MYBPC3: variants seen among roughly 807,000 people sequenced by gnomAD.
MYBPC3 encodes myosin-binding protein C, cardiac-type.
In MYBPC3, 108 loss-of-function variants were observed where a neutral mutation model predicts 159.3. The ratio of observed to expected loss-of-function variants is 0.68; its 90% CI spans 0.58 to 0.80. The LOEUF is 0.80. MYBPC3 is among the 30% of genes least tolerant of loss of function. The pLI is 0.00. For missense variants in MYBPC3, 1,631 were observed against 1,762.1 expected, an observed-to-expected ratio of 0.93 and a Z score of 1.33; for synonymous variants, 730 against 702.0, an observed-to-expected ratio of 1.04 and a Z score of -0.63.
intron 12 of MYBPC3, among the ~76,000 whole-genome samples, chr11:47,345,041 C>T (rs188119957): frequency 4.3e-4 from 65 of 152,336 alleles, no homozygotes; most frequent in East Asian, 1.2e-3. Context: ...CCACCTGCCT[C>T]GGCCTCCCAA....
chr11:47,352,626 G>T lies in MYBPC3; in HGVS notation c.22C>A (p.Pro8Thr), dbSNP rs2095901975. MPEPGKKPVSAFSKKPRS... is the reference protein window; with the variant it reads MPEPGKKTVSAFSKKPRS... ...CCAACCCCAGTCCTAAAGCTACCTGGCTTCTTCCCCGGCTCAGGCATCCTG... is the reference window on the plus strand; with the variant it reads ...CCAACCCCAGTCCTAAAGCTACCTGTCTTCTTCCCCGGCTCAGGCATCCTG... The change falls in exon 1 of 35, where the codon CCA becomes ACA. Residue 8 changes from proline to threonine, a missense_variant. By Grantham distance (38) the Pro-to-Thr change is conservative. Transcript: ENST00000545968. The T allele has an allele frequency of 6.3e-7, 1 of 1,597,940 alleles. No homozygotes were observed. Among genetic ancestry groups the T allele is most frequent in the Non-Finnish European group, 8.5e-7 (1 of 1,172,544 alleles).
At chr11:47,341,869 GTC>G in intron 18 of MYBPC3, 120 bp downstream of exon 18, 1 of 1,327,876 alleles carries the variant, frequency 7.5e-7, no homozygotes, top group Non-Finnish European at 1.0e-6. Context: ...TCTCTGTCCT[GTC>G]TCTGTGCATC....
intron 27 of MYBPC3, among the ~76,000 whole-genome samples, 152 bp from the exon 28 acceptor site, chr11:47,334,162 C>T (rs575215673): frequency 1.3e-5 from 2 of 152,368 alleles, no homozygotes; most frequent in Admixed American, 6.5e-5. Flanking sequence ...CCTGCTAACA[C>T]AGCAACTCCA....
chr11:47,339,708 G>T lies in MYBPC3; in HGVS notation c.2010C>A (p.Asp670Glu). 1 of 1,613,810 alleles carries T rather than the reference G, an allele frequency of 6.2e-7. No individual in the cohort carries two copies. Among genetic ancestry groups the T allele is most frequent in the Non-Finnish European group, 8.5e-7 (1 of 1,179,760 alleles). ...GAGCAGGGTCCCCAGAGATAGGGAC[G>T]TCCAGACGTAGCTTATTTCCAGCTA... is the stretch of plus-strand genomic sequence containing the variant. Reference protein sequence around the residue: ...VVVAGNKLRLDVPISGDPAPT... With the variant: ...VVVAGNKLRLEVPISGDPAPT... The change falls in exon 21 of 35, where the codon GAC becomes GAA. Residue 670 changes from aspartate (D) to glutamate (E), a missense_variant. Physicochemically the swap from Asp to Glu is conservative, Grantham distance 45. Coordinates refer to ENST00000545968, the MANE Select transcript of MYBPC3 (RefSeq NM_000256.3).
Position 47,347,199 on chromosome 11 carries a change from A to C in MYBPC3, c.906-170T>G, listed in dbSNP as rs1204663541. On this transcript the variant is annotated intron_variant, in intron 9 of 34. Coordinates refer to ENST00000545968, the MANE Select transcript of MYBPC3 (RefSeq NM_000256.3). The stretch of plus-strand genomic sequence containing the variant: ...TACGGAGGGAGCTTTTGCAGCCTCA[A>C]GTGTGGAGTGGCCGTGGGGGACACT... The C allele has an allele frequency of 3.0e-6, 3 of 985,118 alleles. No individual in the cohort carries two copies. The African/African-American group carries it at 5.2e-5, about 17-fold the overall frequency. 61.0% of individuals were successfully genotyped at this position (985,118 alleles called of 1,614,324 possible).
At position 47,343,408 on chromosome 11, in the gene MYBPC3, G is replaced by A. The variant is rs375822600; in HGVS notation, c.1223+84C>T. ...GGGCTGAGAGCCACACCGAGTCAGAGATACGCATGTGGAGAGGGGCAGGAG... is the reference window on the plus strand; with the variant it reads ...GGGCTGAGAGCCACACCGAGTCAGAAATACGCATGTGGAGAGGGGCAGGAG... On this transcript the variant is annotated intron_variant, in intron 13 of 34. Coordinates refer to ENST00000545968, the MANE Select transcript of MYBPC3 (RefSeq NM_000256.3). 8.7e-6 allele frequency: 13 copies of A among 1,502,488 alleles called. No homozygotes were observed. In the East Asian group the frequency reaches 2.7e-4, roughly 31 times the overall value. The allele number at this position is 1,502,488 out of a possible 1,614,324, so 93.1% of individuals were successfully genotyped here.
Position 47,342,867 on chromosome 11 carries a change from C to T in MYBPC3, c.1420G>A (p.Glu474Lys). ...LVMVGQRVEF[E>K]CEVSEEGAQV... ...GCCCCCTCCTCCGATACTTCACACT[C>T]AAACTCCACCCGCTGCCCCACCATC... The change falls in exon 16 of 35, where the codon GAG (glutamate) becomes AAG (lysine). Residue 474 changes from glutamate (E) to lysine (K), a missense_variant. Glu to Lys is a moderately conservative substitution (Grantham distance 56). Transcript: ENST00000545968. The T allele has an allele frequency of 6.2e-7, 1 of 1,613,354 alleles. No homozygotes were observed. Among genetic ancestry groups the T allele is most frequent in the Non-Finnish European group, 8.5e-7 (1 of 1,179,592 alleles).
At chr11:47,337,646 C>A (rs778631894) in intron 24 of MYBPC3, 44 bp downstream of exon 24, 4 of 1,607,688 alleles carry the variant, frequency 2.5e-6, no homozygotes, top group Non-Finnish European at 3.4e-6. Flanking sequence ...TCCCTCGGAT[C>A]TGTTTGGCGC....
In MYBPC3 at chr11:47,346,402, G is replaced by C. The variant is rs1446974426; in HGVS notation, c.927-32C>G. On this transcript the variant is annotated intron_variant, in intron 11 of 34. Coordinates refer to ENST00000545968, the MANE Select transcript of MYBPC3 (RefSeq NM_000256.3). This position sits in a 1 kb window ranked among gnomAD's most constrained non-coding sequence, Gnocchi z 5.3. ...CCCGCAGTCTAGGCTGTGGCCGGGG[G>C]CAAGACTGCAGCCCCCTGGGCGGGG... The C allele has an allele frequency of 5.2e-6, 8 of 1,526,122 alleles. No individual in the cohort carries two copies. Among genetic ancestry groups the C allele is most frequent in the Non-Finnish European group, 7.1e-6 (8 of 1,131,514 alleles). 94.5% of individuals were successfully genotyped at this position (1,526,122 alleles called of 1,614,324 possible).
At chr11:47,342,489 G>A in intron 17 of MYBPC3, 89 bp downstream of exon 17, 2 of 1,416,124 alleles carry the variant, frequency 1.4e-6, no homozygotes, top group South Asian at 3.0e-5. Flanking sequence ...CTTGAGCCCA[G>A]GTTTGCCTGC....
rs587776699 is a variant in MYBPC3 at position 47,343,281 on chromosome 11, C to T, written c.1224-19G>A. On this transcript the variant is annotated intron_variant, in intron 13 of 34. Coordinates refer to ENST00000545968, the MANE Select transcript of MYBPC3 (RefSeq NM_000256.3). ...TTACTTGCTGTAGAACAGAAGGGGC[C>T]GTTGAAGTGTTCCCGACGGGAGGAA... is the stretch of plus-strand genomic sequence containing the variant. The T allele has an allele frequency of 8.4e-6, 13 of 1,549,386 alleles. No individual in the cohort carries two copies. In the South Asian group the frequency reaches 1.4e-4, roughly 17 times the overall value.
Position 47,331,584 on chromosome 11 carries a change from T to C in MYBPC3, c.*159A>G. ...AGTCTGTGCAACACCCACTCAGGACTGCCCGACAACTGCCCTGCTGATCCC... is the reference window on the plus strand; with the variant it reads ...AGTCTGTGCAACACCCACTCAGGACCGCCCGACAACTGCCCTGCTGATCCC... On this transcript the variant is annotated 3_prime_UTR_variant, in exon 35 of 35. Transcript: ENST00000545968. 2 of 479,896 alleles carry C rather than the reference T, an allele frequency of 4.2e-6. No homozygotes were observed. The highest frequency in any genetic ancestry group is 5.7e-5 in the South Asian group (2 of 34,910). The allele number at this position is 479,896 out of a possible 1,614,324, so 29.7% of individuals were successfully genotyped here. A position where few individuals can be genotyped will look rare whatever the true frequency, so the allele number is the denominator to read the frequency against.
In MYBPC3 at chr11:47,346,501, G is replaced by T; in HGVS notation, c.926+126C>A. On this transcript the variant is annotated intron_variant, in intron 11 of 34. Coordinates refer to ENST00000545968, the MANE Select transcript of MYBPC3 (RefSeq NM_000256.3). This position sits in a 1 kb window ranked among gnomAD's most constrained non-coding sequence, Gnocchi z 5.3. ...CCCTTCCCTTCTGGTGGGGCAGCTG[G>T]AGCTGCTCTGGGTCCCAGGCCAGGC... The T allele has an allele frequency of 6.9e-7, 1 of 1,454,434 alleles. No individual in the cohort carries two copies. The allele number at this position is 1,454,434 out of a possible 1,614,324, so 90.1% of individuals were successfully genotyped here.
In MYBPC3 at chr11:47,333,932, A is replaced by T. The variant is rs778651716; in HGVS notation, c.2984T>A (p.Ile995Asn). ...GGGGGCCAGTCCCACCTGGAAAGGG[A>T]TGAGAAGGTTCACAGGCTCCCCGAC... ...KKVGEPVNLL[I>N]PFQGKPRPQV... Residue 995 changes from isoleucine to asparagine, a missense_variant, in exon 28 of 35, where the codon ATC (isoleucine) becomes AAC (asparagine). Coordinates refer to ENST00000545968, the MANE Select transcript of MYBPC3 (RefSeq NM_000256.3). 1 of 1,576,020 alleles carries T rather than the reference A, an allele frequency of 6.3e-7. No individual in the cohort carries two copies. The highest frequency in any genetic ancestry group is 2.3e-5 in the East Asian group (1 of 42,754).
chr11:47,335,113 C>T lies in MYBPC3; in HGVS notation c.2834G>A (p.Arg945Gln), dbSNP rs1443971720. 1.7e-5 allele frequency: 27 copies of T among 1,612,064 alleles called. No individual in the cohort carries two copies. Among genetic ancestry groups the T allele is most frequent in the Admixed American group, 6.7e-5 (4 of 59,886 alleles). Residue 945 changes from arginine (R) to glutamine (Q), a missense_variant, in exon 27 of 35, where the codon CGG (arginine) becomes CAG (glutamine). Transcript: ENST00000545968. ...PTGARLLFRV[R>Q]AHNMAGPGAP... Reference sequence around the variant, plus strand: ...TCCAGGCCCTGCCATATTGTGTGCCCGCACTCGGAAAAGCAGCCGGGCCCC... The same window carrying T: ...TCCAGGCCCTGCCATATTGTGTGCCTGCACTCGGAAAAGCAGCCGGGCCCC...
chr11:47,342,720 G>C lies in MYBPC3; in HGVS notation c.1482C>G (p.Thr494=), dbSNP rs756101990. 1.9e-6 allele frequency: 3 copies of C among 1,613,900 alleles called. No homozygotes were observed. The highest frequency in any genetic ancestry group is 2.2e-5 in the East Asian group (1 of 44,902). ...ACCGGTATTTGAAGGTCTCCTCCCGGGTCAGCTCCACCCCGTCCTTCAGCC... is the reference window on the plus strand; with the variant it reads ...ACCGGTATTTGAAGGTCTCCTCCCGCGTCAGCTCCACCCCGTCCTTCAGCC... The part of the protein sequence containing the change: ...VKWLKDGVEL[T]REETFKYRFK... Residue 494 remains threonine (T), a synonymous_variant, in exon 17 of 35, where the codon ACC becomes ACG. Transcript: ENST00000545968.
At chr11:47,336,177 A>G (rs112309979) in intron 25 of MYBPC3, among the ~76,000 whole-genome samples, 166 bp from the exon 26 acceptor site, 53 of 152,246 alleles carry the variant, frequency 3.5e-4, no homozygotes, top group African/African-American at 1.2e-3. Context: ...ACATGTCTGT[A>G]GATTGGCTTA....
At position 47,337,340 on chromosome 11, in the gene MYBPC3, G is replaced by A. The variant is rs187975170; in HGVS notation, c.2602+51C>T. Reference sequence around the variant, plus strand: ...TGCAGAGCACCTGCTATTATTGGAGGTTTTTAACTGGGGAGGGGGCGGGGG... The same window carrying A: ...TGCAGAGCACCTGCTATTATTGGAGATTTTTAACTGGGGAGGGGGCGGGGG... On this transcript the variant is annotated intron_variant, in intron 25 of 34. Transcript: ENST00000545968. The A allele has an allele frequency of 4.2e-4, 631 of 1,499,156 alleles. 3 individuals carry two copies. In the African/African-American group the frequency reaches 7.9e-3, roughly 19 times the overall value. 92.9% of individuals were successfully genotyped at this position (1,499,156 alleles called of 1,614,324 possible).
intron 29 of MYBPC3, 42 bp downstream of exon 29, chr11:47,333,515 G>A: frequency 6.3e-7 from 1 of 1,597,468 alleles, no homozygotes; most frequent in Non-Finnish European, 8.5e-7. Context: ...CCCAGCCCAG[G>A]GAAGGGAAAC....
Sources: gnomAD v4.1 joint callset for allele counts (sites outside exome capture counted in the v4.1 genomes callset) on GRCh38, gnomAD v4.1.1 for gene constraint, Gnocchi (gnomAD v3.1) non-coding constraint, MANE v1.5 for transcripts, NCBI Gene and HGNC (gene_info 2026-07-23, HGNC 2026-07-21) for gene names.